GLG1: variants seen among roughly 807,000 people sequenced by gnomAD.
GLG1 encodes Golgi apparatus protein 1.
In GLG1, 38 loss-of-function variants were observed where a neutral mutation model predicts 160.5. That is an observed-to-expected ratio of 0.24 (90% CI 0.18 to 0.31). The LOEUF is 0.31. Among genes scored for constraint, GLG1 ranks in the 10% least tolerant of loss-of-function variants. The probability of loss-of-function intolerance (pLI) is 1.00; values close to 1 mark genes in which losing one functional copy is unlikely to be tolerated. For missense variants in GLG1, 1,373 were observed against 1,505.2 expected, an observed-to-expected ratio of 0.91 and a Z score of 1.45; for synonymous variants, 644 against 543.4, an observed-to-expected ratio of 1.19 and a Z score of -2.57.
At chr16:74,595,981 GC>G (rs1377341430) in intron 1 of GLG1, among the ~76,000 whole-genome samples, 1 of 151,726 alleles carries the variant, frequency 6.6e-6, no homozygotes, top group Non-Finnish European at 1.5e-5. Context: ...AAATTTGCCA[GC>G]CATGGTGCCA....
chr16:74,540,051 ATATATT>A (rs1266111556), intron 1 of GLG1, among the ~76,000 whole-genome samples: 89 of 2,684 alleles, frequency 0.033, 35 homozygotes, highest in African/African-American at 0.081. Context: ...TATATATTAT[ATATATT>A]TTATATATAT....
intron 10 of GLG1, among the ~76,000 whole-genome samples, chr16:74,481,425 A>T (rs2015594726): frequency 6.6e-6 from 1 of 152,190 alleles, no homozygotes. Flanking sequence ...TTTAATGAGT[A>T]ACTATTAAGA....
intron 1 of GLG1, among the ~76,000 whole-genome samples, chr16:74,589,352 T>C (rs1308030078): frequency 6.6e-6 from 1 of 152,034 alleles, no homozygotes; most frequent in Middle Eastern, 3.2e-3. Context: ...GTTCATTCAA[T>C]CTAACAAAAA....
intron 3 of GLG1, among the ~76,000 whole-genome samples, chr16:74,508,613 A>G (rs1376978468): frequency 1.3e-5 from 2 of 152,180 alleles, no homozygotes; most frequent in Non-Finnish European, 2.9e-5. Flanking sequence ...TTTGAGACCA[A>G]TAGAACCTGA....
intron 4 of GLG1, among the ~76,000 whole-genome samples, chr16:74,497,600 G>C (rs1480801003): frequency 6.6e-6 from 1 of 151,868 alleles, no homozygotes; most frequent in Non-Finnish European, 1.5e-5. Flanking sequence ...ACCACGCCCG[G>C]CTAATTTTTT....
chr16:74,580,743 A>G (rs921049483), intron 1 of GLG1, among the ~76,000 whole-genome samples: 4 of 152,194 alleles, frequency 2.6e-5, no homozygotes, highest in Non-Finnish European at 4.4e-5. Flanking sequence ...GGAAGAAAAT[A>G]TTTGCAGGTC....
chr16:74,462,979 GTGACCA>G (rs1455160941), intron 20 of GLG1: 12 of 416,684 alleles, frequency 2.9e-5, no homozygotes, highest in African/African-American at 2.4e-4. Flanking sequence ...CCAACTCACT[GTGACCA>G]TTAACTTACG....
intron 2 of GLG1, among the ~76,000 whole-genome samples, chr16:74,514,870 C>A (rs1232472104): frequency 2.6e-5 from 4 of 152,010 alleles, no homozygotes; most frequent in Non-Finnish European, 5.9e-5. Context: ...CAAGACCCAT[C>A]AGTATGCTGT....
In GLG1 at chr16:74,607,019, C is replaced by T. The variant is rs1160448076; in HGVS notation, c.76G>A (p.Gly26Arg). 5.0e-6 allele frequency: 8 copies of T among 1,600,052 alleles called. No individual in the cohort carries two copies. The highest frequency in any genetic ancestry group is 6.0e-6 in the Non-Finnish European group (7 of 1,175,794). The change falls in exon 1 of 26, where the codon GGG becomes AGG. Residue 26 changes from glycine (G) to arginine (R), a missense_variant. This residue lies in a region of GLG1 where 322 missense variants were observed against 254.6 expected (regional missense o/e 1.26). Coordinates refer to ENST00000422840, the MANE Select transcript of GLG1 (RefSeq NM_001145667.2). ...ALHLLLLFAAGAEKLPGQGVH... is the reference protein window; with the variant it reads ...ALHLLLLFAARAEKLPGQGVH... The stretch of plus-strand genomic sequence containing the variant: ...CCCTGGCCGGGGAGTTTCTCGGCCC[C>T]GGCCGCGAATAGCAGCAGCAGATGC...
Position 74,478,013 on chromosome 16 carries a change from T to TAAATAAATAAATAAATAAAA in GLG1, c.1828-481_1828-480insTTTTATTTATTTATTTATTT, listed in dbSNP as rs548461001. 7.4e-4 allele frequency among the ~76,000 whole-genome samples: 112 copies of TAAATAAATAAATAAATAAAA among 150,502 alleles called. 1 individual carries two copies. In the South Asian group the frequency reaches 0.011, roughly 15 times the overall value. ...ATAAATAAATAAATAAATAAATAAA[T>TAAATAAATAAATAAATAAAA]AAAATGTGCAAGAGGCTTCGAAAAG... On this transcript the variant is annotated intron_variant, in intron 11 of 25. Coordinates refer to ENST00000422840, the MANE Select transcript of GLG1 (RefSeq NM_001145667.2).
intron 11 of GLG1, among the ~76,000 whole-genome samples, chr16:74,477,742 G>A (rs1175078276): frequency 6.6e-6 from 1 of 152,056 alleles, no homozygotes; most frequent in African/African-American, 2.4e-5. Context: ...GGGAGGTCGA[G>A]GCGGGCGGAT....
At chr16:74,567,132 T>G (rs749234558) in intron 1 of GLG1, among the ~76,000 whole-genome samples, 1 of 151,888 alleles carries the variant, frequency 6.6e-6, no homozygotes, top group Non-Finnish European at 1.5e-5. Flanking sequence ...GAGAAAATCT[T>G]GAATAAAATT....
In GLG1 at chr16:74,472,552, GTAGA is replaced by G. The variant is rs1321220164; in HGVS notation, c.2053-145_2053-142del. ...TTTGGAAACGATTCTAGTATTTGAAGTAGATAGCCCCAGAATAAATATAGAACTG... is the reference window on the plus strand; with the variant it reads ...TTTGGAAACGATTCTAGTATTTGAAGTAGCCCCAGAATAAATATAGAACTG... On this transcript the variant is annotated intron_variant, in intron 13 of 25. Transcript: ENST00000422840. 6.1e-6 allele frequency: 9 copies of G among 1,471,832 alleles called. 1 individual carries two copies. The highest frequency in any genetic ancestry group is 6.4e-6 in the Non-Finnish European group (7 of 1,093,830). 91.2% of individuals were successfully genotyped at this position (1,471,832 alleles called of 1,614,324 possible).
chr16:74,490,671 T>A (rs1296995987), intron 8 of GLG1, among the ~76,000 whole-genome samples: 4 of 152,224 alleles, frequency 2.6e-5, no homozygotes, highest in Non-Finnish European at 5.9e-5. Flanking sequence ...TCGTCATTGA[T>A]TGGAACCTGG....
intron 9 of GLG1, 63 bp downstream of exon 9, chr16:74,485,732 GA>G (rs1345157594): frequency 6.8e-7 from 1 of 1,474,096 alleles, no homozygotes; most frequent in Non-Finnish European, 9.3e-7. Flanking sequence ...TCATTTGAAG[GA>G]ATGTTCCCTG....
intron 1 of GLG1, among the ~76,000 whole-genome samples, chr16:74,553,469 G>GTT (rs537408696): frequency 5.6e-4 from 59 of 106,074 alleles, no homozygotes; most frequent in African/African-American, 1.2e-3. Context: ...TTTTGTTTCG[G>GTT]TTTTTTTTTT....
chr16:74,467,557 A>T (rs1485747187), intron 18 of GLG1, among the ~76,000 whole-genome samples, 199 bp downstream of exon 18: 1 of 152,178 alleles, frequency 6.6e-6, no homozygotes, highest in Non-Finnish European at 1.5e-5. Context: ...GTTAGAGAGG[A>T]GTGCAGGTGA....
At chr16:74,509,994 T>A (rs1194845909) in intron 2 of GLG1, among the ~76,000 whole-genome samples, 16 of 151,298 alleles carry the variant, frequency 1.1e-4, no homozygotes, top group Non-Finnish European at 2.4e-4. Context: ...GCCTCTTGAT[T>A]CCCTTAAAAC....
At chr16:74,470,487 C>T (rs1311896570) in intron 15 of GLG1, among the ~76,000 whole-genome samples, 1 of 132,308 alleles carries the variant, frequency 7.6e-6, no homozygotes, top group African/African-American at 2.8e-5. Flanking sequence ...TCTCTCTTGT[C>T]ATCCAGGCTG....
Sources: allele counts gnomAD v4.1 joint callset (sites outside exome capture counted in the v4.1 genomes callset), GRCh38; gene constraint gnomAD v4.1.1; regional missense constraint gnomAD v4.1.1; transcripts MANE v1.5; gene names NCBI Gene and HGNC (gene_info 2026-07-23, HGNC 2026-07-21).